Variants in HSPA12A observed in about 807,000 individuals in gnomAD.
HSPA12A encodes heat shock protein family A (Hsp70) member 12A.
A neutral mutation model predicts 69.2 loss-of-function variants in HSPA12A; 28 were observed. The ratio of observed to expected loss-of-function variants is 0.40; its 90% confidence interval spans 0.30 to 0.55. HSPA12A has a LOEUF of 0.55. Ranked by LOEUF, HSPA12A falls within the 20% of genes least tolerant of loss-of-function variation. HSPA12A has a pLI of 0.38. For missense variants in HSPA12A, 686 were observed against 900.7 expected, an observed-to-expected ratio of 0.76 and a Z score of 3.05; for synonymous variants, 345 against 370.5, an observed-to-expected ratio of 0.93 and a Z score of 0.79.
intron 2 of HSPA12A, among the ~76,000 whole-genome samples, chr10:116,764,291 T>C (rs1012849492): frequency 6.6e-6 from 1 of 152,218 alleles, no homozygotes. Flanking sequence ...GTTATTATCG[T>C]AGGCTGAATT....
At chr10:116,725,633 C>A (rs1850928851) in intron 1 of HSPA12A, among the ~76,000 whole-genome samples, 2 of 152,114 alleles carry the variant, frequency 1.3e-5, no homozygotes, top group South Asian at 4.1e-4. Flanking sequence ...GACTGAGGAG[C>A]TTTGCTGGCA....
chr10:116,825,008 C>G lies in HSPA12A; in HGVS notation c.91+9927G>C, dbSNP rs528737885. ...TTTGAGATCAGCCCGGGCAACATGG[C>G]AAAACCCCATCTCTAGAAGAAATAC... On this transcript the variant is annotated intron_variant, in intron 2 of 12. Transcript: ENST00000635765. 2.7e-5 allele frequency among the ~76,000 whole-genome samples: 4 copies of G among 147,678 alleles called. No individual in the cohort carries two copies. The South Asian group carries it at 9.5e-4, about 35-fold the overall frequency.
chr10:116,770,017 A>G (rs1219758262), intron 2 of HSPA12A, among the ~76,000 whole-genome samples: 6 of 152,306 alleles, frequency 3.9e-5, no homozygotes, highest in African/African-American at 1.4e-4. Flanking sequence ...CATTTGGGCC[A>G]TTCCTCTGAC....
intron 1 of HSPA12A, among the ~76,000 whole-genome samples, chr10:116,711,853 A>T (rs1343463958): frequency 6.7e-6 from 1 of 149,820 alleles, no homozygotes; most frequent in Non-Finnish European, 1.5e-5. Context: ...TTAAATTTTT[A>T]AATTTTTTTA....
chr10:116,802,185 G>A (rs1844971939), intron 2 of HSPA12A, among the ~76,000 whole-genome samples: 2 of 152,224 alleles, frequency 1.3e-5, no homozygotes, highest in East Asian at 3.9e-4. Context: ...TGTTCTTTAT[G>A]GCATGGTTGT....
intron 6 of HSPA12A, among the ~76,000 whole-genome samples, chr10:116,691,545 C>G (rs1290741991): frequency 6.6e-6 from 1 of 152,172 alleles, no homozygotes; most frequent in Non-Finnish European, 1.5e-5. Context: ...AACTGACTCT[C>G]AATACACAGA....
At chr10:116,849,367 C>T in intron 1 of HSPA12A, 1 of 619,882 alleles carries the variant, frequency 1.6e-6, no homozygotes, top group Non-Finnish European at 2.4e-6. Flanking sequence ...GGACCTAATG[C>T]CGCAGGGAGA....
At chr10:116,849,862 G>A (rs1589742940), upstream of HSPA12A, 2 of 1,053,220 alleles carry the variant, frequency 1.9e-6, no homozygotes, top group East Asian at 2.6e-5. Context: ...GGGCCTGCGT[G>A]TGCGGAGGAG....
chr10:116,730,940 T>C (rs1408835043), intron 1 of HSPA12A, among the ~76,000 whole-genome samples: 2 of 152,200 alleles, frequency 1.3e-5, no homozygotes, highest in Admixed American at 1.3e-4. Context: ...CCTCCCAACG[T>C]TTCCTGGGGG....
intron 1 of HSPA12A, among the ~76,000 whole-genome samples, chr10:116,716,755 G>A (rs868977970): frequency 1.3e-5 from 2 of 152,072 alleles, no homozygotes; most frequent in Non-Finnish European, 2.9e-5. Context: ...TGAGCCTGGG[G>A]ACACTGCCTC....
intron 1 of HSPA12A, among the ~76,000 whole-genome samples, chr10:116,842,690 C>G (rs546258325): frequency 1.0e-3 from 153 of 152,250 alleles, no homozygotes; most frequent in African/African-American, 3.5e-3. Flanking sequence ...ACAACCTCTG[C>G]CTCCCGGGTT....
intron 2 of HSPA12A, among the ~76,000 whole-genome samples, chr10:116,821,960 C>T (rs531640801): frequency 1.8e-4 from 28 of 152,270 alleles, no homozygotes; most frequent in African/African-American, 2.9e-4. Flanking sequence ...AAGAGGAATC[C>T]GAATTAAATG....
chr10:116,675,157 G>C lies in HSPA12A; in HGVS notation c.1652C>G (p.Pro551Arg). ...ATCCTTCACCAGCAGCTTCTCAGGC[G>C]GGTGCTTGCCCTCCACGTAGCGGTT... is the stretch of plus-strand genomic sequence containing the variant. ...VLNRYVEGKH[P>R]PEKLLVKDGT... Residue 551 changes from proline (P) to arginine (R), a missense_variant, in exon 12 of 12, where the codon CCG becomes CGG. Coordinates refer to ENST00000369209, the MANE Select transcript of HSPA12A (RefSeq NM_025015.3). This position sits in a 1 kb window ranked among gnomAD's most constrained non-coding sequence, Gnocchi z 5.2. 6.2e-7 allele frequency: 1 copy of C among 1,613,890 alleles called. No homozygotes were observed. Among genetic ancestry groups the C allele is most frequent in the Non-Finnish European group, 8.5e-7 (1 of 1,180,014 alleles).
chr10:116,812,019 G>A (rs554433080), intron 2 of HSPA12A, among the ~76,000 whole-genome samples: 4 of 152,262 alleles, frequency 2.6e-5, no homozygotes, highest in South Asian at 2.1e-4. Flanking sequence ...CTGGCCACTC[G>A]TCTTCTGGAA....
At chr10:116,748,862 A>C (rs2133082446) in intron 2 of HSPA12A, among the ~76,000 whole-genome samples, 1 of 152,288 alleles carries the variant, frequency 6.6e-6, no homozygotes, top group African/African-American at 2.4e-5. Flanking sequence ...ATAATTCAAG[A>C]TGAGATTTGG....
chr10:116,786,615 C>T (rs1290980616), intron 2 of HSPA12A, among the ~76,000 whole-genome samples: 2 of 151,842 alleles, frequency 1.3e-5, no homozygotes, highest in Admixed American at 1.3e-4. Flanking sequence ...TCTGTAGCTG[C>T]CTATTAGAAT....
intron 1 of HSPA12A, chr10:116,835,074 T>C (rs903878561): frequency 6.1e-6 from 7 of 1,154,344 alleles, no homozygotes; most frequent in Non-Finnish European, 7.6e-6. Flanking sequence ...TTTGTTTCCA[T>C]GTTGCTCTTA....
At chr10:116,830,112 A>G (rs1845585856) in intron 2 of HSPA12A, 1 of 152,210 alleles carries the variant, frequency 6.6e-6, no homozygotes, top group African/African-American at 2.4e-5. Flanking sequence ...GACAATACAC[A>G]TGGAAAAACT....
chr10:116,746,771 G>A (rs537161719), upstream of HSPA12A, among the ~76,000 whole-genome samples: 1 of 152,188 alleles, frequency 6.6e-6, no homozygotes, highest in Non-Finnish European at 1.5e-5. Context: ...AGATTTTCTT[G>A]GCTGATAAAG....
Sources: allele counts gnomAD v4.1 joint callset (sites outside exome capture counted in the v4.1 genomes callset), GRCh38; gene constraint gnomAD v4.1.1; non-coding constraint Gnocchi (gnomAD v3.1); transcripts MANE v1.5; gene names NCBI Gene and HGNC (gene_info 2026-07-23, HGNC 2026-07-21).